SORBS2: variants seen among roughly 807,000 people sequenced by gnomAD.
The protein encoded by SORBS2 is sorbin and SH3 domain containing 2, also known as sorbin and SH3 domain-containing protein 2.
SORBS2 carries 46 observed loss-of-function variants against 97.7 expected under a neutral mutation model. The ratio of observed to expected loss-of-function variants is 0.47; its 90% confidence interval spans 0.37 to 0.60. The LOEUF (loss-of-function observed/expected upper bound fraction) is 0.60. Ranked by LOEUF, SORBS2 falls within the 20% of genes least tolerant of loss-of-function variation. SORBS2 has a pLI of 0.00. For missense variants in SORBS2, 1,316 were observed against 1,282.3 expected (o/e 1.03, Z -0.40); for synonymous variants, 476 against 473.4 (o/e 1.01, Z -0.07).
intron 1 of SORBS2, among the ~76,000 whole-genome samples, chr4:185,830,244 G>T (rs540614361): frequency 2.6e-5 from 4 of 152,200 alleles, no homozygotes; most frequent in African/African-American, 7.2e-5. Flanking sequence ...GCACATTCTG[G>T]TTGGCCCTCT....
intron 2 of SORBS2, among the ~76,000 whole-genome samples, chr4:185,707,094 G>C (rs1452008467): frequency 6.6e-6 from 1 of 152,062 alleles, no homozygotes; most frequent in Non-Finnish European, 1.5e-5. Context: ...AATATTTACA[G>C]ATATTACATG....
intron 2 of SORBS2, among the ~76,000 whole-genome samples, chr4:185,689,874 A>T (rs906484337): frequency 6.6e-6 from 1 of 152,240 alleles, no homozygotes; most frequent in African/African-American, 2.4e-5. Context: ...ACAAAATTTC[A>T]ACGAGAAAGT....
intron 2 of SORBS2, chr4:185,775,015 T>C (rs1252731293): frequency 4.6e-5 from 7 of 152,166 alleles, no homozygotes; most frequent in African/African-American, 1.7e-4. Flanking sequence ...AAGCGTGTAC[T>C]GCAGGTCACT....
At chr4:185,678,957 C>T (rs185265828) in intron 2 of SORBS2, 135 bp from the exon 6 acceptor site, 2 of 458,280 alleles carry the variant, frequency 4.4e-6, no homozygotes, top group Admixed American at 4.0e-5. Flanking sequence ...GTATGTCAAA[C>T]ATGCCAAAGG....
At chr4:185,930,499 C>T (rs1409525926) in intron 1 of SORBS2, among the ~76,000 whole-genome samples, 2 of 152,052 alleles carry the variant, frequency 1.3e-5, no homozygotes, top group Admixed American at 6.6e-5. Context: ...AGGGTTTCAC[C>T]GTGTTAGCCA....
intron 4 of SORBS2, chr4:185,666,122 G>C: frequency 7.8e-7 from 1 of 1,289,844 alleles, no homozygotes; most frequent in Non-Finnish European, 1.0e-6. Flanking sequence ...GGAGGGCACG[G>C]AGGAGAAGCT....
chr4:185,887,960 ATGTG>A (rs60130240), intron 1 of SORBS2, among the ~76,000 whole-genome samples: 2,529 of 38,446 alleles, frequency 0.066, 54 homozygotes, highest in Admixed American at 0.19. Context: ...GTATATATAT[ATGTG>A]TGTGTGTGTG....
chr4:185,587,714 G>A, intron 14 of SORBS2, 26 bp from the exon 27 acceptor site: 1 of 1,575,770 alleles, frequency 6.3e-7, no homozygotes, highest in Non-Finnish European at 8.7e-7. Flanking sequence ...AGTCATGAAA[G>A]GGGGGTGACA....
At chr4:185,618,474 T>C (rs893240341) in intron 9 of SORBS2, 111 bp downstream of exon 21, 2 of 511,386 alleles carry the variant, frequency 3.9e-6, no homozygotes, top group Admixed American at 3.2e-5. Flanking sequence ...GATTGCTGCA[T>C]TGGGAATTAG....
chr4:185,644,146 C>G (rs1465188233), intron 4 of SORBS2, among the ~76,000 whole-genome samples: 4 of 152,170 alleles, frequency 2.6e-5, no homozygotes, highest in Non-Finnish European at 4.4e-5. Context: ...TAAGGCTGGT[C>G]CTCTCCAAAA....
chr4:185,780,073 T>C (rs2099020654), intron 1 of SORBS2, among the ~76,000 whole-genome samples: 1 of 135,382 alleles, frequency 7.4e-6, no homozygotes, highest in African/African-American at 2.8e-5. Flanking sequence ...TGGAGTGCAA[T>C]AGCACAATCT....
intron 1 of SORBS2, among the ~76,000 whole-genome samples, chr4:185,883,039 A>C (rs930477707): frequency 3.3e-5 from 5 of 152,134 alleles, no homozygotes. Context: ...TCCATAAAAG[A>C]AAAAAATTGA....
At chr4:185,925,321 AG>A (rs1314341567) in intron 1 of SORBS2, among the ~76,000 whole-genome samples, 2 of 152,208 alleles carry the variant, frequency 1.3e-5, no homozygotes, top group Admixed American at 1.3e-4. Flanking sequence ...ATTGTCTTAG[AG>A]TCCTAGCCCT....
At chr4:185,925,599 T>C (rs1561306729) in intron 1 of SORBS2, among the ~76,000 whole-genome samples, 1 of 152,188 alleles carries the variant, frequency 6.6e-6, no homozygotes, top group African/African-American at 2.4e-5. Context: ...AAAGATACAT[T>C]TTGGAAATAT....
At chr4:185,611,306 T>C (rs1219409035) in intron 12 of SORBS2, among the ~76,000 whole-genome samples, 1 of 151,998 alleles carries the variant, frequency 6.6e-6, no homozygotes, top group Admixed American at 6.6e-5. Flanking sequence ...GAGATATACA[T>C]AGTATTTTGT....
intron 4 of SORBS2, chr4:185,666,183 G>A: frequency 7.8e-7 from 1 of 1,289,138 alleles, no homozygotes; most frequent in Non-Finnish European, 1.0e-6. Flanking sequence ...CCAACACACT[G>A]GCAGGTAAGT....
intron 3 of SORBS2, 24 bp downstream of exon 6, chr4:185,678,772 T>C: frequency 7.1e-7 from 1 of 1,413,360 alleles, no homozygotes; most frequent in Non-Finnish European, 9.5e-7. Flanking sequence ...AATATAATAA[T>C]TATTCAGAAT....
chr4:185,652,726 T>C (rs1449867361), exon 2 of SORBS2: 11 of 1,613,546 alleles, frequency 6.8e-6, no homozygotes, highest in Non-Finnish European at 9.3e-6. Context: ...GCCGGTCGAC[T>C]GTCTGTAATG....
intron 1 of SORBS2, among the ~76,000 whole-genome samples, chr4:185,847,591 C>T (rs565129896): frequency 2.0e-5 from 3 of 152,256 alleles, no homozygotes; most frequent in South Asian, 4.1e-4. Flanking sequence ...GATGAGTAAG[C>T]GACATATGGC....
Sources: gnomAD v4.1 joint callset for allele counts (sites outside exome capture counted in the v4.1 genomes callset) on GRCh38, gnomAD v4.1.1 for gene constraint, MANE v1.5 for transcripts, NCBI Gene and HGNC (gene_info 2026-07-23, HGNC 2026-07-21) for gene names.